Variants in ERMP1 observed in about 807,000 individuals in gnomAD.
The protein encoded by ERMP1 is Felix-ina.
In ERMP1, 86 loss-of-function variants were observed where a neutral mutation model predicts 92.0. That is an observed-to-expected ratio of 0.93 (90% CI 0.79 to 1.12). ERMP1 has a LOEUF of 1.12. Ranked by LOEUF, ERMP1 falls within the 50% of genes most tolerant of loss-of-function variation. ERMP1 has a pLI of 0.00. For synonymous variants in ERMP1, 530 were observed against 412.8 expected (o/e 1.28, Z -3.44); for missense variants, 1,342 against 1,116.3 (o/e 1.20, Z -2.88).
chr9:5,850,427 A>G (rs868357879), intron 6 of ERMP1, among the ~76,000 whole-genome samples: 18 of 144,646 alleles, frequency 1.2e-4, no homozygotes, highest in Non-Finnish European at 2.2e-4. Flanking sequence ...AAAAAAAAAA[A>G]AAGAAGAAGA....
intron 5 of ERMP1, among the ~76,000 whole-genome samples, chr9:5,866,985 T>C (rs1007555842): frequency 3.9e-5 from 6 of 152,186 alleles, no homozygotes; most frequent in African/African-American, 9.7e-5. Context: ...GCAGAAGGAT[T>C]GCTTGAACCC....
rs113308269 is a variant in ERMP1, at chr9:5,827,810, G to A, written c.641-2591C>T. ...CTGGCGTGGGCGAGAGCGAGACTCCGTCTCAAAAAAAAAAAAAATTCGCAA... is the reference window on the plus strand; with the variant it reads ...CTGGCGTGGGCGAGAGCGAGACTCCATCTCAAAAAAAAAAAAAATTCGCAA... On this transcript the variant is annotated intron_variant, in intron 2 of 14. Coordinates refer to ENST00000339450, the MANE Select transcript of ERMP1 (RefSeq NM_024896.3). Among the ~76,000 whole-genome samples the A allele has an allele frequency of 4.9e-3, 721 of 148,580 alleles. 8 individuals are homozygous for A. Among genetic ancestry groups the A allele is most frequent in the African/African-American group, 0.017 (676 of 39,988 alleles).
At chr9:5,838,243 C>A (rs988560672) in intron 6 of ERMP1, among the ~76,000 whole-genome samples, 3 of 151,978 alleles carry the variant, frequency 2.0e-5, no homozygotes, top group Non-Finnish European at 4.4e-5. Flanking sequence ...GTACCAGGAG[C>A]CTTAAAAGAA....
intron 6 of ERMP1, among the ~76,000 whole-genome samples, chr9:5,840,575 C>A (rs1691498232): frequency 6.6e-6 from 1 of 152,238 alleles, no homozygotes; most frequent in South Asian, 2.1e-4. Flanking sequence ...CTTGCCACAC[C>A]ACATTGGAAA....
At chr9:5,800,569 G>C (rs936815568) in intron 11 of ERMP1, among the ~76,000 whole-genome samples, 1 of 152,116 alleles carries the variant, frequency 6.6e-6, no homozygotes, top group Non-Finnish European at 1.5e-5. Flanking sequence ...CCAGCTACTT[G>C]GGAGTCTGAG....
chr9:5,842,133 T>C (rs1031790857), intron 6 of ERMP1, among the ~76,000 whole-genome samples: 3 of 152,006 alleles, frequency 2.0e-5, no homozygotes, highest in East Asian at 3.9e-4. Flanking sequence ...CTCCACACAG[T>C]GCAAGGGGAC....
intron 7 of ERMP1, among the ~76,000 whole-genome samples, chr9:5,810,500 T>A (rs1245318203): frequency 1.3e-5 from 2 of 152,214 alleles, no homozygotes; most frequent in African/African-American, 2.4e-5. Context: ...ACATTCCTTA[T>A]GAAGGAAGAG....
intron 11 of ERMP1, among the ~76,000 whole-genome samples, chr9:5,800,739 T>A (rs993192534): frequency 3.3e-5 from 5 of 152,196 alleles, no homozygotes; most frequent in African/African-American, 1.2e-4. Context: ...AAGTTATAGT[T>A]TCACTATCAC....
At chr9:5,826,217 T>C (rs977589641) in intron 2 of ERMP1, among the ~76,000 whole-genome samples, 1 of 152,228 alleles carries the variant, frequency 6.6e-6, no homozygotes, top group Admixed American at 6.5e-5. Context: ...TATTTGAAAC[T>C]TTCCATATCA....
chr9:5,825,020 T>A lies in ERMP1; in HGVS notation c.768+72A>T, dbSNP rs978497683. On this transcript the variant is annotated intron_variant, in intron 3 of 14. Coordinates refer to ENST00000339450, the MANE Select transcript of ERMP1 (RefSeq NM_024896.3). ...CATAAAAAATGCATTTACTATTTAG[T>A]AAATAATATTTAGCTATTATTATTA... 2.1e-6 allele frequency: 3 copies of A among 1,448,994 alleles called. No individual in the cohort carries two copies. The African/African-American group carries it at 4.3e-5, about 21-fold the overall frequency. The allele number at this position is 1,448,994 out of a possible 1,614,324, so 89.8% of individuals were successfully genotyped here.
Position 5,805,175 on chromosome 9 carries a change from A to C in ERMP1, c.1766T>G (p.Phe589Cys), listed in dbSNP as rs1304980285. ...GTACAATGCATAAAGATAAGGAATA[A>C]ACATCCCCAAAAGGTAAAAAGCAAT... ...KFIAFYLLGM[F>C]IPYLYALYLI... The change falls in exon 10 of 15, where the codon TTT becomes TGT. Residue 589 changes from phenylalanine to cysteine, a missense_variant. Coordinates refer to ENST00000339450, the MANE Select transcript of ERMP1 (RefSeq NM_024896.3). 6.2e-7 allele frequency: 1 copy of C among 1,612,222 alleles called. No individual in the cohort carries two copies. The highest frequency in any genetic ancestry group is 1.7e-5 in the Admixed American group (1 of 59,416).
At chr9:5,794,271 GTGGCA>G (rs1828321520) in intron 13 of ERMP1, among the ~76,000 whole-genome samples, 1 of 152,058 alleles carries the variant, frequency 6.6e-6, no homozygotes, top group Non-Finnish European at 1.5e-5. Context: ...CTTAAAATTT[GTGGCA>G]TGGAACATAA....
upstream of ERMP1, chr9:5,833,201 T>G (rs1830030565): frequency 1.0e-5 from 6 of 588,024 alleles, no homozygotes; most frequent in Non-Finnish European, 1.4e-5. Flanking sequence ...CTTTGGCAGT[T>G]CTCGGGTGCA....
At chr9:5,856,016 C>G (rs1489718007) in intron 6 of ERMP1, 1 of 339,264 alleles carries the variant, frequency 2.9e-6, no homozygotes, top group Non-Finnish European at 5.9e-6. Flanking sequence ...CCCATGTACA[C>G]CAGGTGGATT....
chr9:5,798,802 C>G lies in ERMP1; in HGVS notation c.2270+4G>C. On this transcript the variant is annotated splice_donor_region_variant and intron_variant, in intron 12 of 14. Coordinates refer to ENST00000339450, the MANE Select transcript of ERMP1 (RefSeq NM_024896.3). ...AACCTTAAGCAGAAAAATAATGAAC[C>G]AACCTGATCAGAAAGTGCACTGGAA... is the stretch of plus-strand genomic sequence containing the variant. 12 of 1,607,390 alleles carry G rather than the reference C, an allele frequency of 7.5e-6. No homozygotes were observed. The highest frequency in any genetic ancestry group is 1.0e-5 in the Non-Finnish European group (12 of 1,174,360).
chr9:5,839,374 C>T (rs936545297), intron 6 of ERMP1, among the ~76,000 whole-genome samples: 2 of 152,134 alleles, frequency 1.3e-5, no homozygotes, highest in Non-Finnish European at 2.9e-5. Context: ...AACCCATGAA[C>T]CCGGAAGTCT....
At chr9:5,858,665 G>T (rs7037314) in intron 6 of ERMP1, among the ~76,000 whole-genome samples, 86,965 of 152,002 alleles carry the variant, frequency 0.57, 25,716 homozygotes, top group South Asian at 0.69. Context: ...TAAGGTAAAA[G>T]TGTGGGGCAA....
chr9:5,803,142 G>A (rs1026593281), intron 10 of ERMP1, among the ~76,000 whole-genome samples: 2 of 152,292 alleles, frequency 1.3e-5, no homozygotes, highest in South Asian at 2.1e-4. Context: ...AGGGAAAGCT[G>A]TCTGAAATAT....
chr9:5,823,902 G>A lies in ERMP1; in HGVS notation c.868C>T (p.Gln290Ter). 6.2e-7 allele frequency: 1 copy of A among 1,605,620 alleles called. No homozygotes were observed. Among genetic ancestry groups the A allele is most frequent in the Non-Finnish European group, 8.5e-7 (1 of 1,172,546 alleles). Residue 290 changes from glutamine to a stop codon, truncating the protein, a stop_gained, in exon 4 of 15, where the codon CAA becomes TAA. Transcript: ENST00000339450. LOFTEE classifies it high-confidence loss of function. ...AGVGGKELVF[Q>*]TGPENPWLVQ... ...AACGCACAATCTCACATACCTGTTT[G>A]GAATACAAGTTCTTTCCCTCCTACA...
Sources: gnomAD v4.1 joint callset for allele counts (sites outside exome capture counted in the v4.1 genomes callset) on GRCh38, gnomAD v4.1.1 for gene constraint, MANE v1.5 for transcripts, NCBI Gene and HGNC (gene_info 2026-07-23, HGNC 2026-07-21) for gene names.